Variants in SEMA6D observed in about 807,000 individuals in gnomAD.
SEMA6D encodes the protein semaphorin 6D, also known as semaphorin-6D.
In SEMA6D, 35 loss-of-function variants were observed where a neutral mutation model predicts 106.6. That is an observed-to-expected ratio of 0.33 (90% confidence interval 0.25 to 0.44). The LOEUF is 0.44. Ranked by LOEUF, SEMA6D falls within the 20% of genes least tolerant of loss-of-function variation. SEMA6D has a pLI of 1.00. For missense variants in SEMA6D, 1,185 were observed against 1,345.9 expected (o/e 0.88, Z 1.87); for synonymous variants, 499 against 487.7 (o/e 1.02, Z -0.31).
chr15:47,768,856 G>C, intron 18 of SEMA6D, 108 bp downstream of exon 18: 6 of 1,029,480 alleles, frequency 5.8e-6, no homozygotes, highest in Non-Finnish European at 8.4e-6. Context: ...AGCTTCTGCG[G>C]TTGTACCTCC....
rs190413143 is a variant in SEMA6D at position 47,536,516 on chromosome 15, C to T, written c.-86-64349C>T. ...GTACCATTGGCTTCTAGACTCAGACCGATTGAGTCTTAGAAGGGTCTAGGT... is the reference window on the plus strand; with the variant it reads ...GTACCATTGGCTTCTAGACTCAGACTGATTGAGTCTTAGAAGGGTCTAGGT... On this transcript the variant is annotated intron_variant, in intron 3 of 19. Transcript: ENST00000558014. Among the ~76,000 whole-genome samples the T allele has an allele frequency of 3.6e-3, 553 of 152,240 alleles. 2 individuals carry two copies. Among genetic ancestry groups the T allele is most frequent in the African/African-American group, 0.013 (540 of 41,540 alleles).
At chr15:47,450,725 A>G (rs1380420233) in intron 2 of SEMA6D, among the ~76,000 whole-genome samples, 1 of 152,098 alleles carries the variant, frequency 6.6e-6, no homozygotes, top group East Asian at 1.9e-4. Context: ...GGATCCTAGA[A>G]TATTGAGCAC....
chr15:47,681,097 GA>G (rs1384092894), intron 4 of SEMA6D, among the ~76,000 whole-genome samples: 1 of 152,156 alleles, frequency 6.6e-6, no homozygotes, highest in African/African-American at 2.4e-5. Context: ...TTATGCAAAG[GA>G]ATTGAAATCG....
intron 4 of SEMA6D, among the ~76,000 whole-genome samples, chr15:47,641,144 C>T (rs1205183375): frequency 6.6e-6 from 1 of 152,220 alleles, no homozygotes; most frequent in Non-Finnish European, 1.5e-5. Context: ...CCATTCCTCT[C>T]GCATCCCCTT....
intron 1 of SEMA6D, among the ~76,000 whole-genome samples, chr15:47,212,293 G>T (rs985212547): frequency 6.6e-6 from 1 of 152,162 alleles, no homozygotes; most frequent in South Asian, 2.1e-4. Context: ...CTATTGGGTG[G>T]TATCTATTCC....
intron 4 of SEMA6D, among the ~76,000 whole-genome samples, chr15:47,609,792 A>C (rs1013214240): frequency 6.6e-6 from 1 of 152,118 alleles, no homozygotes; most frequent in African/African-American, 2.4e-5. Context: ...GTGATACCGC[A>C]TGTGTACTCA....
At chr15:47,675,226 A>G (rs925371591) in intron 4 of SEMA6D, among the ~76,000 whole-genome samples, 1 of 152,074 alleles carries the variant, frequency 6.6e-6, no homozygotes, top group African/African-American at 2.4e-5. Flanking sequence ...GATGGGTGAA[A>G]TTGTGTCTCC....
intron 2 of SEMA6D, among the ~76,000 whole-genome samples, chr15:47,434,220 C>A (rs1299355364): frequency 1.3e-5 from 2 of 152,004 alleles, no homozygotes; most frequent in African/African-American, 4.8e-5. Context: ...AAGGGAAGAA[C>A]AAGGTAACTG....
rs542108761 is a variant in SEMA6D at position 47,273,140 on chromosome 15, T to C, written c.-239+88722T>C. ...GGCTACACCATTTGTTGTGGATCTT[T>C]TAGGGAATTCTAAGGCAAGATGTGC... On this transcript the variant is annotated intron_variant, in intron 1 of 19. Transcript: ENST00000558014. Among the ~76,000 whole-genome samples, 3 of 152,308 alleles carry C rather than the reference T, an allele frequency of 2.0e-5. No homozygotes were observed. The East Asian group carries it at 5.8e-4, about 29-fold the overall frequency.
intron 3 of SEMA6D, among the ~76,000 whole-genome samples, chr15:47,573,754 G>T (rs2076106991): frequency 6.6e-6 from 1 of 152,154 alleles, no homozygotes; most frequent in East Asian, 1.9e-4. Context: ...ACTTAGCCTG[G>T]CTTGAAATTT....
chr15:47,631,514 T>TTA (rs2077292699), intron 4 of SEMA6D, among the ~76,000 whole-genome samples: 1 of 151,284 alleles, frequency 6.6e-6, no homozygotes, highest in African/African-American at 2.4e-5. Context: ...AAGTTAAATA[T>TTA]CTTGAAATAG....
At position 47,760,349 on chromosome 15, in the gene SEMA6D, A is replaced by G; in HGVS notation, c.155A>G (p.Glu52Gly). 1.2e-6 allele frequency: 2 copies of G among 1,613,704 alleles called. No homozygotes were observed. Among genetic ancestry groups the G allele is most frequent in the Non-Finnish European group, 1.7e-6 (2 of 1,179,684 alleles). The change falls in exon 3 of 19, where the codon GAA becomes GGA. Residue 52 changes from glutamate to glycine, a missense_variant. Glu to Gly is a moderately conservative substitution (Grantham distance 98, BLOSUM62 -2). This residue lies in a region of SEMA6D where 144 missense variants were observed against 138.6 expected (regional missense o/e 1.04). Coordinates refer to ENST00000536845, the MANE Select transcript of SEMA6D (RefSeq NM_001358351.3). ...TTTAGAGGACGCCCTTCAGGCAATGAATCGCAGCACAGGCTGGACTTTCAG... is the reference window on the plus strand; with the variant it reads ...TTTAGAGGACGCCCTTCAGGCAATGGATCGCAGCACAGGCTGGACTTTCAG... Reference protein sequence around the residue: ...PVFRGRPSGNESQHRLDFQLM... With the variant: ...PVFRGRPSGNGSQHRLDFQLM...
At chr15:47,591,227 A>C (rs1307545000) in intron 3 of SEMA6D, among the ~76,000 whole-genome samples, 1 of 152,172 alleles carries the variant, frequency 6.6e-6, no homozygotes, top group East Asian at 1.9e-4. Flanking sequence ...TTATTATATC[A>C]GGGCACTAAC....
intron 2 of SEMA6D, among the ~76,000 whole-genome samples, chr15:47,440,317 T>TGACG (rs1045229897): frequency 2.3e-4 from 2 of 8,724 alleles, no homozygotes; most frequent in Admixed American, 4.7e-3. Context: ...CCAAACAAAA[T>TGACG]GACAGTGGGC....
intron 1 of SEMA6D, among the ~76,000 whole-genome samples, chr15:47,391,777 A>T (rs1475385463): frequency 1.3e-5 from 2 of 152,024 alleles, no homozygotes; most frequent in African/African-American, 2.4e-5. Flanking sequence ...GGGTCATTAG[A>T]ATAAAGGCTA....
At chr15:47,539,208 A>G (rs2045277413) in intron 3 of SEMA6D, among the ~76,000 whole-genome samples, 1 of 152,156 alleles carries the variant, frequency 6.6e-6, no homozygotes, top group Non-Finnish European at 1.5e-5. Context: ...GCTTGTCATC[A>G]CCTGGTACTG....
chr15:47,462,894 C>T (rs890756495), intron 2 of SEMA6D, among the ~76,000 whole-genome samples: 10 of 152,038 alleles, frequency 6.6e-5, no homozygotes, highest in African/African-American at 2.4e-4. Context: ...CTCTGTTTGT[C>T]CTAGTCTGGC....
In SEMA6D at chr15:47,749,206, C is replaced by G. The variant is rs538697908; in HGVS notation, c.-54-10539C>G. Reference sequence around the variant, plus strand: ...AAGCAATTCTCCTGCCTCAGCCTTCCGAGTAGCTGGGATTACAGGCACACA... The same window carrying G: ...AAGCAATTCTCCTGCCTCAGCCTTCGGAGTAGCTGGGATTACAGGCACACA... On this transcript the variant is annotated intron_variant, in intron 1 of 18. Transcript: ENST00000536845. Among the ~76,000 whole-genome samples, 270 of 151,472 alleles carry G rather than the reference C, an allele frequency of 1.8e-3. 1 individual carries two copies. Among genetic ancestry groups the G allele is most frequent in the African/African-American group, 6.5e-3 (267 of 41,238 alleles).
intron 1 of SEMA6D, among the ~76,000 whole-genome samples, chr15:47,748,000 G>A (rs1194785974): frequency 6.6e-6 from 1 of 152,158 alleles, no homozygotes; most frequent in Non-Finnish European, 1.5e-5. Flanking sequence ...CTTTGTTCTG[G>A]GAAAGCTGCA....
Sources: allele counts gnomAD v4.1 joint callset (sites outside exome capture counted in the v4.1 genomes callset), GRCh38; gene constraint gnomAD v4.1.1; regional missense constraint gnomAD v4.1.1; transcripts MANE v1.5; gene names NCBI Gene and HGNC (gene_info 2026-07-23, HGNC 2026-07-21).